Variants in MAPK8 observed in about 807,000 individuals in gnomAD.
MAPK8 encodes JUN N-terminal kinase.
In MAPK8, 13 loss-of-function variants were observed where a neutral mutation model predicts 52.9. The observed-to-expected ratio is 0.25, with a 90% CI of 0.16 to 0.39. The LOEUF (loss-of-function observed/expected upper bound fraction) is 0.39, where lower values mean the gene tolerates loss of function less well. Among genes scored for constraint, MAPK8 ranks in the 10% least tolerant of loss-of-function variants. MAPK8 has a pLI of 1.00. For synonymous variants in MAPK8, 191 were observed against 169.8 expected (o/e 1.12, Z -0.97); for missense variants, 300 against 519.2 (o/e 0.58, Z 4.10).
chr10:48,418,468 C>G (rs1344154948), intron 5 of MAPK8, among the ~76,000 whole-genome samples: 1 of 152,126 alleles, frequency 6.6e-6, no homozygotes, highest in Non-Finnish European at 1.5e-5. Flanking sequence ...AGATGATCAG[C>G]AACCCAGGCT....
At chr10:48,354,848 A>G (rs978096951) in intron 1 of MAPK8, among the ~76,000 whole-genome samples, 5 of 152,210 alleles carry the variant, frequency 3.3e-5, no homozygotes, top group Admixed American at 6.5e-5. Context: ...TAATGGCAGT[A>G]TACATAGACT....
At chr10:48,353,823 A>G in intron 1 of MAPK8, among the ~76,000 whole-genome samples, 1 of 152,226 alleles carries the variant, frequency 6.6e-6, no homozygotes, top group East Asian at 1.9e-4. Context: ...ACAAAATTAT[A>G]GACATGGAGG....
At chr10:48,406,874 A>G (rs2087897440) in intron 3 of MAPK8, among the ~76,000 whole-genome samples, 1 of 152,184 alleles carries the variant, frequency 6.6e-6, no homozygotes, top group Non-Finnish European at 1.5e-5. Flanking sequence ...CGTCTGATCA[A>G]ATCCTCTGAG....
intron 1 of MAPK8, among the ~76,000 whole-genome samples, chr10:48,362,558 T>G (rs900879348): frequency 3.0e-5 from 3 of 101,476 alleles, no homozygotes; most frequent in Admixed American, 1.3e-4. Context: ...ATTTTGGGGG[T>G]GGGGGGTGGG....
intron 1 of MAPK8, among the ~76,000 whole-genome samples, chr10:48,334,321 A>G (rs1333028027): frequency 6.6e-6 from 1 of 152,034 alleles, no homozygotes; most frequent in Non-Finnish European, 1.5e-5. Context: ...CCCCAACTGG[A>G]GGTTTCTTGC....
At chr10:48,308,649 G>A (rs571665572) in intron 1 of MAPK8, among the ~76,000 whole-genome samples, 1 of 152,062 alleles carries the variant, frequency 6.6e-6, no homozygotes, top group Non-Finnish European at 1.5e-5. Flanking sequence ...ATTTCAGTAG[G>A]GGTCTAAAAT....
At position 48,404,941 on chromosome 10, in the gene MAPK8, A is replaced by G; in HGVS notation, c.212A>G (p.Tyr71Cys). Residue 71 changes from tyrosine (Y) to cysteine (C), a missense_variant, in exon 3 of 12, where the codon TAC becomes TGC. This residue lies in a region of MAPK8 where 147 missense variants were observed against 328.1 expected (regional missense o/e 0.45). Coordinates refer to ENST00000374189, the MANE Select transcript of MAPK8 (RefSeq NM_001323329.2). ...FQNQTHAKRA[Y>C]RELVLMKCVN... The stretch of plus-strand genomic sequence containing the variant: ...AATCAGACTCATGCCAAGCGGGCCT[A>G]CAGAGAGCTAGTTCTTATGAAATGT... The G allele has an allele frequency of 2.5e-6, 4 of 1,609,342 alleles. No homozygotes were observed. In the East Asian group the frequency reaches 6.7e-5, roughly 27 times the overall value.
chr10:48,389,476 G>A (rs2041506462), intron 1 of MAPK8, among the ~76,000 whole-genome samples: 1 of 152,178 alleles, frequency 6.6e-6, no homozygotes, highest in Non-Finnish European at 1.5e-5. Flanking sequence ...ACCAGGGCAA[G>A]CCTCTGGCTC....
At chr10:48,363,688 C>A (rs1293302242) in intron 1 of MAPK8, among the ~76,000 whole-genome samples, 1 of 152,196 alleles carries the variant, frequency 6.6e-6, no homozygotes, top group South Asian at 2.1e-4. Context: ...ATTAAACTTA[C>A]ATTTTTCTCC....
intron 1 of MAPK8, among the ~76,000 whole-genome samples, chr10:48,362,628 T>G (rs1361536143): frequency 6.6e-6 from 1 of 152,024 alleles, no homozygotes; most frequent in Non-Finnish European, 1.5e-5. Context: ...TACCACTAAT[T>G]TATTCCAAGA....
intron 4 of MAPK8, 45 bp from the exon 5 acceptor site, chr10:48,409,985 A>G (rs764922881): frequency 6.2e-7 from 1 of 1,608,352 alleles, no homozygotes; most frequent in South Asian, 1.1e-5. Flanking sequence ...TTTTTCTTAG[A>G]TTGCTGCTGG....
At chr10:48,373,721 G>C (rs2040473876) in intron 1 of MAPK8, among the ~76,000 whole-genome samples, 1 of 151,840 alleles carries the variant, frequency 6.6e-6, no homozygotes, top group South Asian at 2.1e-4. Flanking sequence ...AAATATATAT[G>C]CACCTAATAC....
At chr10:48,375,483 A>T (rs1238143392) in intron 1 of MAPK8, among the ~76,000 whole-genome samples, 2 of 73,302 alleles carry the variant, frequency 2.7e-5, no homozygotes, top group African/African-American at 5.9e-5. Context: ...TTGTATATTT[A>T]AAAAAACCCC....
At chr10:48,427,440 A>AAATCTT (rs1213152611) in intron 10 of MAPK8, 2 of 305,324 alleles carry the variant, frequency 6.6e-6, no homozygotes, top group African/African-American at 4.3e-5. Context: ...CCACCCTTTT[A>AAATCTT]AAATCACGTA....
At chr10:48,432,348 G>A (rs980138742) in intron 11 of MAPK8, among the ~76,000 whole-genome samples, 1 of 151,966 alleles carries the variant, frequency 6.6e-6, no homozygotes, top group African/African-American at 2.4e-5. Flanking sequence ...TTTGTGGCTT[G>A]CTTTGACATT....
At chr10:48,431,398 G>A (rs1314897927) in intron 11 of MAPK8, 128 bp downstream of exon 11, 2 of 648,712 alleles carry the variant, frequency 3.1e-6, no homozygotes, top group Admixed American at 3.3e-5. Context: ...ATAAGTATAA[G>A]GAAATACAGT....
intron 1 of MAPK8, among the ~76,000 whole-genome samples, chr10:48,347,003 C>T (rs1845850135): frequency 6.6e-6 from 1 of 152,168 alleles, no homozygotes; most frequent in African/African-American, 2.4e-5. Flanking sequence ...CATTCGGGGC[C>T]ACTACCGGTC....
Position 48,439,052 on chromosome 10 carries a change from T to G in MAPK8, c.*4023T>G, listed in dbSNP as rs1254349426. 6.6e-6 allele frequency: 1 copy of G among 152,088 alleles called. No homozygotes were observed. Among genetic ancestry groups the G allele is most frequent in the Non-Finnish European group, 1.5e-5 (1 of 68,008 alleles). The allele number at this position is 152,088 out of a possible 1,614,324, so 9.4% of individuals were successfully genotyped here. A position where few individuals can be genotyped will look rare whatever the true frequency, so the allele number is the denominator to read the frequency against. On this transcript the variant is annotated 3_prime_UTR_variant, in exon 12 of 12. Transcript: ENST00000374189. ...TGTGACATCTATTTTCTCATTACAG[T>G]TTATCCTGGTCAGCAGGGTGTCACA...
rs2043341304 is a variant in MAPK8, at chr10:48,421,321, A to G, written c.616+1001A>G. Reference sequence around the variant, plus strand: ...AGTAAATATGCTGTTCTTTTTACTTACACTCTACCTGAAATTTGAAGTTTT... The same window carrying G: ...AGTAAATATGCTGTTCTTTTTACTTGCACTCTACCTGAAATTTGAAGTTTT... On this transcript the variant is annotated intron_variant, in intron 6 of 11. Coordinates refer to ENST00000374189, the MANE Select transcript of MAPK8 (RefSeq NM_001323329.2). Among the ~76,000 whole-genome samples the G allele has an allele frequency of 2.0e-5, 3 of 152,220 alleles. No individual in the cohort carries two copies. The South Asian group carries it at 6.2e-4, about 31-fold the overall frequency.
Sources: gnomAD v4.1 joint callset for allele counts (sites outside exome capture counted in the v4.1 genomes callset) on GRCh38, gnomAD v4.1.1 for gene constraint, gnomAD v4.1.1 regional missense constraint, MANE v1.5 for transcripts, NCBI Gene and HGNC (gene_info 2026-07-23, HGNC 2026-07-21) for gene names.